Variants in PIRT observed in about 807,000 individuals in gnomAD.
PIRT encodes phosphoinositide-interacting protein.
A neutral mutation model predicts 7.9 loss-of-function variants in PIRT; 6 were observed. The ratio of observed to expected loss-of-function variants is 0.76; its 90% CI spans 0.42 to 1.51. The LOEUF (loss-of-function observed/expected upper bound fraction) is 1.51. Ranked by LOEUF, PIRT falls within the 40% of genes most tolerant of loss-of-function variation. The probability of loss-of-function intolerance (pLI) is 0.01; values close to 1 mark genes in which losing one functional copy is unlikely to be tolerated. For missense variants in PIRT, 170 were observed against 172.9 expected (o/e 0.98, Z 0.09); for synonymous variants, 78 against 71.8 (o/e 1.09, Z -0.44).
chr17:10,836,959 C>A (rs1296988063), intron 1 of PIRT, among the ~76,000 whole-genome samples: 1 of 152,150 alleles, frequency 6.6e-6, no homozygotes. Context: ...TCTTCTCTGG[C>A]GGTGCTGTCT....
chr17:10,831,223 G>A (rs773835904), intron 1 of PIRT, among the ~76,000 whole-genome samples: 5 of 152,152 alleles, frequency 3.3e-5, no homozygotes, highest in Non-Finnish European at 7.3e-5. Context: ...ACCCTTTTCC[G>A]CTTCAATTAA....
intron 1 of PIRT, among the ~76,000 whole-genome samples, chr17:10,834,853 G>A (rs1905546967): frequency 6.6e-6 from 1 of 151,220 alleles, no homozygotes. Flanking sequence ...GCCTCCCAAA[G>A]TGCTGGGATT....
rs780011265 is a variant in PIRT, at chr17:10,825,308, A to G, written c.338T>C (p.Ile113Thr). The change falls in exon 2 of 2, where the codon ATC becomes ACC. Residue 113 changes from isoleucine (I) to threonine (T), a missense_variant. By Grantham distance (89) the Ile-to-Thr change is moderately conservative. Coordinates refer to ENST00000580256, the MANE Select transcript of PIRT (RefSeq NM_001101387.2). The stretch of plus-strand genomic sequence containing the variant: ...TCTGTGCTTCTGTTTCTTTTTGATG[A>G]TGGGCACCCACACCAGCCCGCACAC... Reference protein sequence around the residue: ...MLVCGLVWVPIIKKKQKHRQK... With the variant: ...MLVCGLVWVPTIKKKQKHRQK... The G allele has an allele frequency of 5.0e-6, 8 of 1,613,912 alleles. No homozygotes were observed. The Admixed American group carries it at 6.7e-5, about 13-fold the overall frequency.
Position 10,825,313 on chromosome 17 carries a change from C to T in PIRT, c.333G>A (p.Val111=). 1 of 1,613,932 alleles carries T rather than the reference C, an allele frequency of 6.2e-7. No individual in the cohort carries two copies. Among genetic ancestry groups the T allele is most frequent in the Admixed American group, 1.7e-5 (1 of 60,008 alleles). The change falls in exon 2 of 2, where the codon GTG becomes GTA. Residue 111 remains valine, a synonymous_variant. Coordinates refer to ENST00000580256, the MANE Select transcript of PIRT (RefSeq NM_001101387.2). ...GCTTCTGTTTCTTTTTGATGATGGG[C>T]ACCCACACCAGCCCGCACACCAGCA... ...LMMLVCGLVW[V]PIIKKKQKHR...
chr17:10,827,785 C>G (rs1275625510), intron 1 of PIRT, among the ~76,000 whole-genome samples: 1 of 152,022 alleles, frequency 6.6e-6, no homozygotes. Context: ...TAGATTAAAG[C>G]CTTTCATTTC....
At position 10,824,837 on chromosome 17, in the gene PIRT, A is replaced by G. The variant is rs547171190; in HGVS notation, c.*395T>C. The G allele has an allele frequency of 1.2e-3, 227 of 194,634 alleles. No homozygotes were observed. Among genetic ancestry groups the G allele is most frequent in the South Asian group, 2.8e-3 (24 of 8,442 alleles). The allele number at this position is 194,634 out of a possible 1,614,324, so 12.1% of individuals were successfully genotyped here. A position where few individuals can be genotyped will look rare whatever the true frequency, so the allele number is the denominator to read the frequency against. On this transcript the variant is annotated 3_prime_UTR_variant, in exon 2 of 2. Coordinates refer to ENST00000580256, the MANE Select transcript of PIRT (RefSeq NM_001101387.2). ...CAGTTTTGGTTCCAGAAGTATGCAA[A>G]TGAAGAATCCAGCTCTGGCACTCAG...
Position 10,822,567 on chromosome 17 carries a change from A to G in PIRT, c.*2665T>C, listed in dbSNP as rs1905229499. The G allele has an allele frequency of 6.6e-6, 1 of 152,208 alleles. No homozygotes were observed. Among genetic ancestry groups the G allele is most frequent in the Admixed American group, 6.5e-5 (1 of 15,278 alleles). The allele number at this position is 152,208 out of a possible 1,614,324, so 9.4% of individuals were successfully genotyped here. ...ACAGAATAGCCATGGGGAGCATGAG[A>G]CAATCTAGTGAGCCTAAAACACGGA... On this transcript the variant is annotated 3_prime_UTR_variant, in exon 2 of 2. Transcript: ENST00000580256.
rs1176550645 is a variant in PIRT, at chr17:10,824,040, T to G, written c.*1192A>C. 1 of 152,252 alleles carries G rather than the reference T, an allele frequency of 6.6e-6. No homozygotes were observed. Among genetic ancestry groups the G allele is most frequent in the African/African-American group, 2.4e-5 (1 of 41,456 alleles). 9.4% of individuals were successfully genotyped at this position (152,252 alleles called of 1,614,324 possible). On this transcript the variant is annotated 3_prime_UTR_variant, in exon 2 of 2. Coordinates refer to ENST00000580256, the MANE Select transcript of PIRT (RefSeq NM_001101387.2). Reference sequence around the variant, plus strand: ...CTTATCTTTCCTTTTGTTTTTGGGTTGGAGGACATGGCCTCCAGGAATTTC... The same window carrying G: ...CTTATCTTTCCTTTTGTTTTTGGGTGGGAGGACATGGCCTCCAGGAATTTC...
intron 1 of PIRT, among the ~76,000 whole-genome samples, chr17:10,826,884 C>A (rs1905331137): frequency 6.6e-6 from 1 of 152,080 alleles, no homozygotes; most frequent in Admixed American, 6.5e-5. Context: ...GTGATCTCAG[C>A]TGACCGCACC....
At chr17:10,826,083 C>A (rs577838771) in intron 1 of PIRT, among the ~76,000 whole-genome samples, 2 of 152,182 alleles carry the variant, frequency 1.3e-5, no homozygotes, top group East Asian at 3.9e-4. Flanking sequence ...CCTGCCTCAG[C>A]CTCCTGAGTA....
chr17:10,825,577 C>A lies in PIRT; in HGVS notation c.69G>T (p.Leu23=). Residue 23 remains leucine, a synonymous_variant, in exon 2 of 2, where the codon CTG becomes CTT. Transcript: ENST00000580256. Reference sequence around the variant, plus strand: ...ACAGGGAGCTGGCGGTCTGGCTGGGCAGCAGGTCCTTGGCTTCTGGAGACT... The same window carrying A: ...ACAGGGAGCTGGCGGTCTGGCTGGGAAGCAGGTCCTTGGCTTCTGGAGACT... ...DEKSPEAKDL[L]PSQTASSLCI... 2.5e-6 allele frequency: 4 copies of A among 1,580,492 alleles called. No homozygotes were observed. Among genetic ancestry groups the A allele is most frequent in the Non-Finnish European group, 3.4e-6 (4 of 1,162,864 alleles).
chr17:10,832,189 G>T (rs562053615), intron 1 of PIRT, among the ~76,000 whole-genome samples: 1 of 150,864 alleles, frequency 6.6e-6, no homozygotes, highest in African/African-American at 2.4e-5. Flanking sequence ...TGCTGGCAAC[G>T]TTCTGATTCT....
At chr17:10,826,389 C>A (rs1227852353) in intron 1 of PIRT, among the ~76,000 whole-genome samples, 1 of 152,208 alleles carries the variant, frequency 6.6e-6, no homozygotes, top group Non-Finnish European at 1.5e-5. Context: ...GATAATGTTA[C>A]TTCTTTCATA....
chr17:10,833,125 A>G (rs961819661), intron 1 of PIRT, among the ~76,000 whole-genome samples: 45 of 152,264 alleles, frequency 3.0e-4, no homozygotes, highest in African/African-American at 8.7e-4. Flanking sequence ...CGTGGAAAGG[A>G]AAGTCATTTC....
chr17:10,836,639 A>T (rs1905599116), intron 1 of PIRT, among the ~76,000 whole-genome samples: 1 of 152,114 alleles, frequency 6.6e-6, no homozygotes, highest in Admixed American at 6.5e-5. Flanking sequence ...GCCCTTCCTG[A>T]GCTTCTGCCC....
chr17:10,825,665 C>T lies in PIRT; in HGVS notation c.-20G>A, dbSNP rs758070491. On this transcript the variant is annotated 5_prime_UTR_variant, in exon 2 of 2. Coordinates refer to ENST00000580256, the MANE Select transcript of PIRT (RefSeq NM_001101387.2). ...CGTCATGGTTGCTCAGGACTGGGCG[C>T]CTAGGACCAGCAATAGTTGGAAACA... 2 of 1,453,082 alleles carry T rather than the reference C, an allele frequency of 1.4e-6. No individual in the cohort carries two copies. Among genetic ancestry groups the T allele is most frequent in the East Asian group, 5.0e-5 (2 of 40,076 alleles). The allele number at this position is 1,453,082 out of a possible 1,614,324, so 90.0% of individuals were successfully genotyped here.
At chr17:10,826,831 A>C (rs1471689591) in intron 1 of PIRT, among the ~76,000 whole-genome samples, 1 of 149,632 alleles carries the variant, frequency 6.7e-6, no homozygotes, top group African/African-American at 2.5e-5. Context: ...TTTTTTTTTG[A>C]GATGGAGTTT....
intron 1 of PIRT, among the ~76,000 whole-genome samples, chr17:10,826,011 G>A (rs1905305749): frequency 6.6e-6 from 1 of 151,650 alleles, no homozygotes; most frequent in African/African-American, 2.4e-5. Flanking sequence ...CACCCAGGCT[G>A]GAGTGCAGTG....
In PIRT at chr17:10,824,585, A is replaced by G. The variant is rs1008335934; in HGVS notation, c.*647T>C. The G allele has an allele frequency of 6.6e-6, 1 of 152,336 alleles. No individual in the cohort carries two copies. Among genetic ancestry groups the G allele is most frequent in the Non-Finnish European group, 1.5e-5 (1 of 68,150 alleles). The allele number at this position is 152,336 out of a possible 1,614,324, so 9.4% of individuals were successfully genotyped here. A position where few individuals can be genotyped will look rare whatever the true frequency, so the allele number is the denominator to read the frequency against. Reference sequence around the variant, plus strand: ...CTGCCTCTGATGTAAATATTATATAATTAGGAACTAAACTTCTTCAGCTGA... The same window carrying G: ...CTGCCTCTGATGTAAATATTATATAGTTAGGAACTAAACTTCTTCAGCTGA... On this transcript the variant is annotated 3_prime_UTR_variant, in exon 2 of 2. Coordinates refer to ENST00000580256, the MANE Select transcript of PIRT (RefSeq NM_001101387.2).
Sources: allele counts gnomAD v4.1 joint callset (sites outside exome capture counted in the v4.1 genomes callset), GRCh38; gene constraint gnomAD v4.1.1; transcripts MANE v1.5; gene names NCBI Gene and HGNC (gene_info 2026-07-23, HGNC 2026-07-21).